SPAG16: variants seen among roughly 807,000 people sequenced by gnomAD.
SPAG16 encodes the protein sperm-associated antigen 16 protein.
Under a neutral mutation model 80.4 loss-of-function variants are expected in SPAG16, and 86 were observed. The ratio of observed to expected loss-of-function variants is 1.07; its 90% CI spans 0.90 to 1.28. The LOEUF is 1.28. Among genes scored for constraint, SPAG16 ranks in the 50% most tolerant of loss-of-function variants. The pLI is 0.00. For missense variants in SPAG16, 870 were observed against 765.3 expected (o/e 1.14, Z -1.61); for synonymous variants, 294 against 265.9 (o/e 1.11, Z -1.03).
At chr2:214,018,939 C>G (rs1291257861) in intron 13 of SPAG16, among the ~76,000 whole-genome samples, 1 of 152,038 alleles carries the variant, frequency 6.6e-6, no homozygotes, top group Non-Finnish European at 1.5e-5. Context: ...CATATCAGCT[C>G]TGAATTTTGT....
At chr2:214,135,021 A>G (rs955411425) in intron 14 of SPAG16, among the ~76,000 whole-genome samples, 1 of 152,170 alleles carries the variant, frequency 6.6e-6, no homozygotes, top group Non-Finnish European at 1.5e-5. Flanking sequence ...TATCTAAAAC[A>G]TTACATTTCC....
chr2:214,319,937 A>G (rs1695984588), intron 15 of SPAG16, among the ~76,000 whole-genome samples: 1 of 152,090 alleles, frequency 6.6e-6, no homozygotes, highest in Admixed American at 6.5e-5. Context: ...TATAGCATAG[A>G]GCATTTCTCT....
At chr2:213,459,807 T>G (rs912312739) in intron 9 of SPAG16, among the ~76,000 whole-genome samples, 2 of 152,398 alleles carry the variant, frequency 1.3e-5, no homozygotes, top group Non-Finnish European at 2.9e-5. Context: ...ACATTTATTT[T>G]TGTTCATATT....
In SPAG16 at chr2:213,493,316, A is replaced by G. The variant is rs558256887; in HGVS notation, c.1070+3226A>G. Among the ~76,000 whole-genome samples, 129 of 152,362 alleles carry G rather than the reference A, an allele frequency of 8.5e-4. 1 individual carries two copies. Among genetic ancestry groups the G allele is most frequent in the Non-Finnish European group, 1.6e-3 (112 of 68,030 alleles). On this transcript the variant is annotated intron_variant, in intron 10 of 15. Transcript: ENST00000331683. ...AACAGATTTATCAAAATGTGTTTTT[A>G]TAATGTTTTTCTAACAAGGTCATAA... is the stretch of plus-strand genomic sequence containing the variant.
In SPAG16 at chr2:213,430,533, ATTC is replaced by A. The variant is rs569118869; in HGVS notation, c.942+55421_942+55423del. Among the ~76,000 whole-genome samples the A allele has an allele frequency of 1.6e-3, 250 of 152,294 alleles. 1 individual carries two copies. Among genetic ancestry groups the A allele is most frequent in the African/African-American group, 5.9e-3 (244 of 41,564 alleles). On this transcript the variant is annotated intron_variant, in intron 9 of 15. Transcript: ENST00000331683. ...ATTTTATTTATAGCTCCTGACAATTATTCTTCTTCCAATGTGGCCCAGGGAAGC... is the reference window on the plus strand; with the variant it reads ...ATTTTATTTATAGCTCCTGACAATTATTCTTCCAATGTGGCCCAGGGAAGC...
chr2:213,887,432 T>A (rs58054043), intron 11 of SPAG16, among the ~76,000 whole-genome samples: 52,791 of 151,666 alleles, frequency 0.35, 9,692 homozygotes, highest in East Asian at 0.49. Flanking sequence ...ATTCGTCTGA[T>A]GTTTTCTCCT....
At position 213,389,406 on chromosome 2, in the gene SPAG16, G is replaced by A. The variant is rs139629946; in HGVS notation, c.942+14287G>A. ...AGGCACAGGCAACAATAGAAAAACTGGACTTTATAAACATTTTAAAATTTG... is the reference window on the plus strand; with the variant it reads ...AGGCACAGGCAACAATAGAAAAACTAGACTTTATAAACATTTTAAAATTTG... On this transcript the variant is annotated intron_variant, in intron 9 of 15. Transcript: ENST00000331683. Among the ~76,000 whole-genome samples, 27 of 152,058 alleles carry A rather than the reference G, an allele frequency of 1.8e-4. No homozygotes were observed. The East Asian group carries it at 3.7e-3, about 21-fold the overall frequency.
At chr2:214,226,659 C>T (rs944436058) in intron 15 of SPAG16, among the ~76,000 whole-genome samples, 2 of 151,980 alleles carry the variant, frequency 1.3e-5, no homozygotes, top group African/African-American at 2.4e-5. Context: ...CTTCCAAATA[C>T]TCCCCCCAAA....
chr2:214,170,912 T>A (rs553209791), intron 15 of SPAG16, among the ~76,000 whole-genome samples: 2 of 152,178 alleles, frequency 1.3e-5, no homozygotes, highest in Admixed American at 6.6e-5. Context: ...TATAAACTCA[T>A]ACCACCTTCA....
intron 15 of SPAG16, among the ~76,000 whole-genome samples, chr2:214,271,978 C>G (rs1209813937): frequency 6.6e-6 from 1 of 151,804 alleles, no homozygotes; most frequent in Non-Finnish European, 1.5e-5. Context: ...CTCATAATAT[C>G]TATTTCATTC....
At chr2:213,918,220 C>T (rs1168073880) in intron 11 of SPAG16, among the ~76,000 whole-genome samples, 1 of 152,038 alleles carries the variant, frequency 6.6e-6, no homozygotes, top group African/African-American at 2.4e-5. Flanking sequence ...AGATATTGGC[C>T]TGAAATTTTA....
Position 213,655,611 on chromosome 2 carries a change from G to A in SPAG16, c.1070+165521G>A, listed in dbSNP as rs554957759. Reference sequence around the variant, plus strand: ...TAGTAACTGAATAAGGGGCTTCTGGGATGAAGATAATATTGTTTCTTTGAT... The same window carrying A: ...TAGTAACTGAATAAGGGGCTTCTGGAATGAAGATAATATTGTTTCTTTGAT... On this transcript the variant is annotated intron_variant, in intron 10 of 15. Coordinates refer to ENST00000331683, the MANE Select transcript of SPAG16 (RefSeq NM_024532.5). 5.9e-5 allele frequency among the ~76,000 whole-genome samples: 9 copies of A among 152,304 alleles called. No individual in the cohort carries two copies. In the East Asian group the frequency reaches 1.7e-3, roughly 29 times the overall value.
In SPAG16 at chr2:214,036,576, C is replaced by G. The variant is rs1022803853; in HGVS notation, c.1527+22499C>G. Among the ~76,000 whole-genome samples the G allele has an allele frequency of 5.9e-5, 9 of 152,332 alleles. No homozygotes were observed. The East Asian group carries it at 1.3e-3, about 23-fold the overall frequency. ...AAACAGTTGATACACACTGGTTTCT[C>G]TGCTTCCATTCCAACATAGCAGGAT... On this transcript the variant is annotated intron_variant, in intron 13 of 15. Transcript: ENST00000331683.
intron 10 of SPAG16, among the ~76,000 whole-genome samples, chr2:213,859,234 A>T (rs2075318608): frequency 6.8e-6 from 1 of 146,118 alleles, no homozygotes; most frequent in African/African-American, 2.5e-5. Context: ...TCCTCTGACA[A>T]CTTGATGTAT....
chr2:213,895,230 A>G (rs1446547879), intron 11 of SPAG16, among the ~76,000 whole-genome samples: 3 of 151,972 alleles, frequency 2.0e-5, no homozygotes, highest in Non-Finnish European at 4.4e-5. Flanking sequence ...AAATGTCTGT[A>G]CAAAGACAAC....
In SPAG16 at chr2:213,826,104, TC is replaced by T. The variant is rs1266047953; in HGVS notation, c.1071-36380del. Among the ~76,000 whole-genome samples the T allele has an allele frequency of 2.6e-5, 4 of 152,092 alleles. No homozygotes were observed. The East Asian group carries it at 7.7e-4, about 29-fold the overall frequency. On this transcript the variant is annotated intron_variant, in intron 10 of 15. Transcript: ENST00000331683. ...TTTCTGTGGTATTAGTTGAAATAACTCTTTTTTCATCCCTGATTTTATTTAT... is the reference window on the plus strand; with the variant it reads ...TTTCTGTGGTATTAGTTGAAATAACTTTTTTTCATCCCTGATTTTATTTAT...
chr2:213,960,376 G>A (rs1258669271), intron 12 of SPAG16, among the ~76,000 whole-genome samples: 1 of 151,418 alleles, frequency 6.6e-6, no homozygotes, highest in African/African-American at 2.4e-5. Flanking sequence ...TCTTTTTTAG[G>A]GACAATTTCT....
intron 9 of SPAG16, among the ~76,000 whole-genome samples, chr2:213,386,648 CATT>C (rs2125268704): frequency 6.6e-6 from 1 of 152,232 alleles, no homozygotes; most frequent in Non-Finnish European, 1.5e-5. Context: ...TCTTTTATAA[CATT>C]ATAAATCACA....
chr2:213,743,014 C>T (rs569176254), intron 10 of SPAG16, among the ~76,000 whole-genome samples: 3 of 152,258 alleles, frequency 2.0e-5, no homozygotes, highest in Middle Eastern at 3.5e-3. Context: ...CGCCATTCTC[C>T]TGCCTCAGCC....
Sources: allele counts gnomAD v4.1 joint callset (sites outside exome capture counted in the v4.1 genomes callset), GRCh38; gene constraint gnomAD v4.1.1; transcripts MANE v1.5; gene names NCBI Gene and HGNC (gene_info 2026-07-23, HGNC 2026-07-21).